The following TAOK3 variants were observed in gnomAD, a reference collection of about 807,000 sequenced individuals.
TAOK3 encodes the protein serine/threonine-protein kinase TAO3.
TAOK3 carries 40 observed loss-of-function variants against 120.4 expected under a neutral mutation model. The ratio of observed to expected loss-of-function variants is 0.33; its 90% CI spans 0.26 to 0.43. The LOEUF (loss-of-function observed/expected upper bound fraction) is 0.43. Ranked by LOEUF, TAOK3 falls within the 20% of genes least tolerant of loss-of-function variation. The pLI, the probability that TAOK3 is intolerant of heterozygous loss-of-function variation, is 1.00. For missense variants in TAOK3, 821 were observed against 1,112.1 expected, an observed-to-expected ratio of 0.74 and a Z score of 3.72; for synonymous variants, 355 against 387.5, an observed-to-expected ratio of 0.92 and a Z score of 0.99.
intron 10 of TAOK3, 130 bp from the exon 11 acceptor site, chr12:118,213,125 G>A: frequency 2.0e-6 from 1 of 489,466 alleles, no homozygotes; most frequent in Non-Finnish European, 3.5e-6. Flanking sequence ...TGGAATATCA[G>A]GATAACTGGA....
At chr12:118,306,786 C>T (rs1459518553) in intron 1 of TAOK3, among the ~76,000 whole-genome samples, 1 of 152,126 alleles carries the variant, frequency 6.6e-6, no homozygotes, top group Non-Finnish European at 1.5e-5. Context: ...GTAGTAACAT[C>T]AAACTTTTGC....
At chr12:118,249,930 T>C (rs955028024) in intron 3 of TAOK3, among the ~76,000 whole-genome samples, 2 of 152,214 alleles carry the variant, frequency 1.3e-5, no homozygotes, top group Admixed American at 1.3e-4. Flanking sequence ...TCCAGAAAGA[T>C]AGAATTAAAC....
At chr12:118,239,904 C>T (rs867100170) in intron 5 of TAOK3, among the ~76,000 whole-genome samples, 102 of 152,194 alleles carry the variant, frequency 6.7e-4, no homozygotes, top group African/African-American at 2.3e-3. Flanking sequence ...CAGCGGCTCA[C>T]GCCTGTAATC....
chr12:118,248,964 C>T (rs940291914), intron 3 of TAOK3, among the ~76,000 whole-genome samples: 2 of 151,808 alleles, frequency 1.3e-5, no homozygotes, highest in African/African-American at 4.8e-5. Context: ...TCAAAACATG[C>T]TAGATAGAAA....
intron 1 of TAOK3, among the ~76,000 whole-genome samples, chr12:118,342,914 A>C (rs963957534): frequency 5.5e-5 from 8 of 146,072 alleles, no homozygotes; most frequent in African/African-American, 1.8e-4. Context: ...AGCCTGGGCC[A>C]CAGAGTAAGC....
intron 1 of TAOK3, among the ~76,000 whole-genome samples, chr12:118,351,505 T>C (rs987612359): frequency 8.5e-5 from 13 of 152,212 alleles, no homozygotes; most frequent in African/African-American, 2.7e-4. Context: ...AAGCATTAAC[T>C]AGACATTTTC....
At chr12:118,205,928 C>CT (rs556802843) in intron 11 of TAOK3, among the ~76,000 whole-genome samples, 14,898 of 142,242 alleles carry the variant, frequency 0.1, 877 homozygotes, top group Middle Eastern at 0.14. Flanking sequence ...CTCTCTCTCT[C>CT]TTTTTTTTTT....
At chr12:118,313,158 G>A (rs1455921904) in intron 1 of TAOK3, among the ~76,000 whole-genome samples, 2 of 152,158 alleles carry the variant, frequency 1.3e-5, no homozygotes, top group Non-Finnish European at 2.9e-5. Flanking sequence ...TAGAGATAAT[G>A]CTAGATCCTA....
intron 2 of TAOK3, among the ~76,000 whole-genome samples, chr12:118,264,169 T>C (rs1280787124): frequency 6.6e-6 from 1 of 152,230 alleles, no homozygotes; most frequent in African/African-American, 2.4e-5. Context: ...TGGAAAACAT[T>C]GGGCAGTTTC....
chr12:118,159,404 G>A (rs1375919281), intron 19 of TAOK3, among the ~76,000 whole-genome samples: 2 of 151,288 alleles, frequency 1.3e-5, no homozygotes, highest in African/African-American at 4.9e-5. Flanking sequence ...TCCACCTCCC[G>A]GGTTCAAGTG....
chr12:118,366,083 G>A (rs998094385), intron 1 of TAOK3, among the ~76,000 whole-genome samples: 3 of 152,018 alleles, frequency 2.0e-5, no homozygotes, highest in South Asian at 2.1e-4. Flanking sequence ...AGTCAATATG[G>A]CGAAACCCCG....
intron 15 of TAOK3, 70 bp downstream of exon 15, chr12:118,181,301 T>C (rs1193801633): frequency 8.1e-6 from 11 of 1,353,334 alleles, no homozygotes; most frequent in Non-Finnish European, 1.1e-5. Flanking sequence ...TGCCTCTTGC[T>C]AACATCCTGC....
intron 9 of TAOK3, among the ~76,000 whole-genome samples, chr12:118,216,323 C>T (rs1339884508): frequency 1.3e-5 from 2 of 152,110 alleles, no homozygotes; most frequent in Non-Finnish European, 2.9e-5. Flanking sequence ...TTTACTCCTC[C>T]CCAGCCCACC....
At chr12:118,349,578 T>C (rs866798594) in intron 1 of TAOK3, among the ~76,000 whole-genome samples, 75 of 152,270 alleles carry the variant, frequency 4.9e-4, no homozygotes, top group Non-Finnish European at 2.6e-4. Context: ...AGAAAGTAAA[T>C]TAGTGCTTAC....
chr12:118,259,342 T>C (rs890777742), intron 2 of TAOK3, among the ~76,000 whole-genome samples: 4 of 152,028 alleles, frequency 2.6e-5, no homozygotes, highest in African/African-American at 7.2e-5. Flanking sequence ...GCCCAGGAGT[T>C]TGAGACCAGC....
intron 6 of TAOK3, 141 bp from the exon 7 acceptor site, chr12:118,238,310 G>C (rs112347307): frequency 4.0e-6 from 2 of 497,404 alleles, no homozygotes; most frequent in Admixed American, 3.4e-5. Context: ...TTCTATAGAA[G>C]ATAATAAGTG....
At chr12:118,263,857 G>A (rs2041333233) in intron 2 of TAOK3, among the ~76,000 whole-genome samples, 1 of 152,192 alleles carries the variant, frequency 6.6e-6, no homozygotes, top group Admixed American at 6.5e-5. Flanking sequence ...CCTGAGGTCA[G>A]GAGTTCAAGA....
chr12:118,348,328 T>C (rs2044967029), intron 1 of TAOK3, among the ~76,000 whole-genome samples: 1 of 152,260 alleles, frequency 6.6e-6, no homozygotes, highest in Admixed American at 6.5e-5. Flanking sequence ...TCTTATTCGC[T>C]TTCCATAGTG....
chr12:118,191,947 T>A (rs550494047), intron 13 of TAOK3, among the ~76,000 whole-genome samples: 1 of 152,300 alleles, frequency 6.6e-6, no homozygotes, highest in African/African-American at 2.4e-5. Flanking sequence ...CCAAGTACAT[T>A]GATAGAGGGG....
Sources: gnomAD v4.1 joint callset for allele counts (sites outside exome capture counted in the v4.1 genomes callset) on GRCh38, gnomAD v4.1.1 for gene constraint, MANE v1.5 for transcripts, NCBI Gene and HGNC (gene_info 2026-07-23, HGNC 2026-07-21) for gene names.